Variants in TMCC2 observed in about 807,000 individuals in gnomAD.
TMCC2 encodes the protein transmembrane and coiled-coil domains protein 2.
A neutral mutation model predicts 49.4 loss-of-function variants in TMCC2; 16 were observed. The ratio of observed to expected loss-of-function variants is 0.32; its 90% CI spans 0.22 to 0.49. The LOEUF is 0.49. Ranked by LOEUF, TMCC2 falls within the 20% of genes least tolerant of loss-of-function variation. The pLI, the probability that TMCC2 is intolerant of heterozygous loss-of-function variation, is 0.99. For missense variants in TMCC2, 762 were observed against 989.8 expected (o/e 0.77, Z 3.09); for synonymous variants, 397 against 434.1 (o/e 0.91, Z 1.06).
chr1:205,244,317 G>A (rs780456627), intron 2 of TMCC2, among the ~76,000 whole-genome samples: 6 of 152,348 alleles, frequency 3.9e-5, no homozygotes, highest in South Asian at 4.1e-4. Flanking sequence ...TCACTGGGGT[G>A]AGGTCAGTGA....
At chr1:205,229,680 G>A in intron 1 of TMCC2, 2 of 985,506 alleles carry the variant, frequency 2.0e-6, no homozygotes, top group South Asian at 9.4e-5. Context: ...GAACTGACAG[G>A]TGGTGGAGCA....
intron 2 of TMCC2, among the ~76,000 whole-genome samples, chr1:205,268,474 C>G (rs1309513543): frequency 6.6e-6 from 1 of 151,822 alleles, no homozygotes. Flanking sequence ...ATTAGCCAGG[C>G]ATGGTGGTGG....
chr1:205,229,138 T>C, intron 1 of TMCC2: 1 of 1,115,068 alleles, frequency 9.0e-7, no homozygotes, highest in Non-Finnish European at 1.1e-6. Flanking sequence ...AGTAAGTCTC[T>C]ACCCATTGGG....
At chr1:205,259,127 C>T (rs1660999529) in intron 2 of TMCC2, among the ~76,000 whole-genome samples, 1 of 152,150 alleles carries the variant, frequency 6.6e-6, no homozygotes, top group Admixed American at 6.5e-5. Flanking sequence ...ACTCCATTGT[C>T]AGGATGACTG....
chr1:205,229,318 A>G (rs2102511891), intron 1 of TMCC2, among the ~76,000 whole-genome samples: 1 of 151,876 alleles, frequency 6.6e-6, no homozygotes, highest in South Asian at 2.1e-4. Flanking sequence ...CCTCCAGAGT[A>G]GCTGGGATTA....
chr1:205,241,838 C>T lies in TMCC2; in HGVS notation c.541C>T (p.Arg181Trp), dbSNP rs531687422. The change falls in exon 2 of 5, where the codon CGG (arginine) becomes TGG (tryptophan). Residue 181 changes from arginine (R) to tryptophan (W), a missense_variant. By Grantham distance (101) the Arg-to-Trp change is moderately radical. This residue lies in a region of TMCC2 where 322 missense variants were observed against 353.1 expected (regional missense o/e 0.91). Coordinates refer to ENST00000358024, the MANE Select transcript of TMCC2 (RefSeq NM_014858.4). This position sits in a 1 kb window ranked among gnomAD's most constrained non-coding sequence, Gnocchi z 7.3. ...SGGGSSGSSS[R>W]RTKSSSLEPQ... Reference sequence around the variant, plus strand: ...GGGCGGCAGCAGCGGGAGCAGCAGCCGGCGCACCAAGAGTAGCTCCCTGGA... The same window carrying T: ...GGGCGGCAGCAGCGGGAGCAGCAGCTGGCGCACCAAGAGTAGCTCCCTGGA... The T allele has an allele frequency of 2.3e-5, 37 of 1,599,538 alleles. No individual in the cohort carries two copies. The highest frequency in any genetic ancestry group is 4.0e-5 in the African/African-American group (3 of 74,602).
intron 2 of TMCC2, among the ~76,000 whole-genome samples, chr1:205,258,613 G>A (rs947054076): frequency 6.6e-6 from 1 of 152,148 alleles, no homozygotes; most frequent in African/African-American, 2.4e-5. Context: ...CAGGAAGGCA[G>A]AGAGCCACCA....
intron 1 of TMCC2, among the ~76,000 whole-genome samples, chr1:205,236,074 A>C (rs1401937504): frequency 1.3e-5 from 2 of 151,764 alleles, no homozygotes; most frequent in Non-Finnish European, 2.9e-5. Context: ...GTCTCAAAAA[A>C]AAAAAAAAAA....
At chr1:205,250,433 C>T (rs892157557) in intron 2 of TMCC2, among the ~76,000 whole-genome samples, 16 of 151,860 alleles carry the variant, frequency 1.1e-4, no homozygotes, top group Non-Finnish European at 1.9e-4. Context: ...CCCAGCTACT[C>T]GGGAGGCTGA....
At chr1:205,232,300 C>T (rs1261853438) in intron 1 of TMCC2, among the ~76,000 whole-genome samples, 1 of 152,232 alleles carries the variant, frequency 6.6e-6, no homozygotes, top group African/African-American at 2.4e-5. Flanking sequence ...TCAACTGTTC[C>T]ACACACCTGT....
Position 205,241,998 on chromosome 1 carries a change from G to T in TMCC2, c.701G>T (p.Ser234Ile). 1 of 1,608,358 alleles carries T rather than the reference G, an allele frequency of 6.2e-7. No homozygotes were observed. The highest frequency in any genetic ancestry group is 8.5e-7 in the Non-Finnish European group (1 of 1,178,240). ...TDTALLLADG[S>I]NVYLLAEEAE... ...ACTGCTCTGCTGCTGGCCGACGGCA[G>T]CAACGTGTACCTCCTGGCTGAGGAG... Residue 234 changes from serine (S) to isoleucine (I), a missense_variant, in exon 2 of 5, where the codon AGC becomes ATC. Physicochemically the swap from Ser to Ile is moderately radical, Grantham distance 142. This residue lies in a region of TMCC2 where 322 missense variants were observed against 353.1 expected (regional missense o/e 0.91). Coordinates refer to ENST00000358024, the MANE Select transcript of TMCC2 (RefSeq NM_014858.4). This position sits in a 1 kb window ranked among gnomAD's most constrained non-coding sequence, Gnocchi z 7.3.
Position 205,271,982 on chromosome 1 carries a change from C to T in TMCC2, c.1988C>T (p.Thr663Ile). 2 of 1,614,238 alleles carry T rather than the reference C, an allele frequency of 1.2e-6. No homozygotes were observed. Among genetic ancestry groups the T allele is most frequent in the Non-Finnish European group, 1.7e-6 (2 of 1,180,044 alleles). ...LMAVLLVFVS[T>I]IANFITPLMK... The stretch of plus-strand genomic sequence containing the variant: ...GCCGTGCTGCTGGTGTTCGTGTCCA[C>T]CATCGCCAACTTCATCACGCCCCTC... The change falls in exon 5 of 5, where the codon ACC becomes ATC. Residue 663 changes from threonine to isoleucine, a missense_variant. Coordinates refer to ENST00000358024, the MANE Select transcript of TMCC2 (RefSeq NM_014858.4).
At chr1:205,247,386 G>A (rs1660493622) in intron 2 of TMCC2, among the ~76,000 whole-genome samples, 1 of 152,216 alleles carries the variant, frequency 6.6e-6, no homozygotes, top group African/African-American at 2.4e-5. Context: ...TCTATGGAGA[G>A]CAGGTTTGCC....
rs998223510 is a variant in TMCC2, at chr1:205,229,528, G to T, written c.207+757G>T. On this transcript the variant is annotated intron_variant, in intron 1 of 4. Coordinates refer to ENST00000358024, the MANE Select transcript of TMCC2 (RefSeq NM_014858.4). Reference sequence around the variant, plus strand: ...CGCTTTCCTGGATGAAGCTCAGTTTGCCGATCTGTGAAGGGGCGGGGGGGG... The same window carrying T: ...CGCTTTCCTGGATGAAGCTCAGTTTTCCGATCTGTGAAGGGGCGGGGGGGG... 1.9e-5 allele frequency: 12 copies of T among 639,440 alleles called. No homozygotes were observed. The South Asian group carries it at 7.6e-4, about 40-fold the overall frequency. 39.6% of individuals were successfully genotyped at this position (639,440 alleles called of 1,614,324 possible). A position where few individuals can be genotyped will look rare whatever the true frequency, so the allele number is the denominator to read the frequency against.
Position 205,269,924 on chromosome 1 carries a change from G to C in TMCC2, c.1682+40G>C, listed in dbSNP as rs191577102. 2.5e-6 allele frequency: 4 copies of C among 1,575,768 alleles called. No individual in the cohort carries two copies. The African/African-American group carries it at 5.4e-5, about 21-fold the overall frequency. On this transcript the variant is annotated intron_variant, in intron 3 of 4. Transcript: ENST00000358024. ...ACCCCCTCCTGCAGCCCAGCCGGACGTGGGATGAGGCAAGGAGCACTGGGT... is the reference window on the plus strand; with the variant it reads ...ACCCCCTCCTGCAGCCCAGCCGGACCTGGGATGAGGCAAGGAGCACTGGGT...
At chr1:205,258,993 G>A (rs1048512938) in intron 2 of TMCC2, among the ~76,000 whole-genome samples, 5 of 152,170 alleles carry the variant, frequency 3.3e-5, no homozygotes, top group African/African-American at 4.8e-5. Context: ...TGCCAGCCCC[G>A]GGGCCGCACT....
chr1:205,230,959 T>C (rs71524482), intron 1 of TMCC2, among the ~76,000 whole-genome samples: 20,815 of 133,444 alleles, frequency 0.16, 2,350 homozygotes, highest in East Asian at 0.4. Flanking sequence ...AAAGGAGGCT[T>C]CCCCTTACCC....
intron 1 of TMCC2, among the ~76,000 whole-genome samples, chr1:205,233,536 T>A (rs1176135834): frequency 6.6e-6 from 1 of 152,178 alleles, no homozygotes; most frequent in Non-Finnish European, 1.5e-5. Flanking sequence ...ACAGGCAGCT[T>A]CCTCCCACTG....
At chr1:205,236,202 G>C (rs1028803266) in intron 1 of TMCC2, among the ~76,000 whole-genome samples, 1 of 151,968 alleles carries the variant, frequency 6.6e-6, no homozygotes, top group Non-Finnish European at 1.5e-5. Flanking sequence ...CCCCTCCCAA[G>C]CCCTCCCTAA....
Sources: allele counts gnomAD v4.1 joint callset (sites outside exome capture counted in the v4.1 genomes callset), GRCh38; gene constraint gnomAD v4.1.1; regional missense constraint gnomAD v4.1.1; non-coding constraint Gnocchi (gnomAD v3.1); transcripts MANE v1.5; gene names NCBI Gene and HGNC (gene_info 2026-07-23, HGNC 2026-07-21).